The following HMGN5 variants were observed in gnomAD, a reference collection of about 807,000 sequenced individuals.
The protein encoded by HMGN5 is high mobility group nucleosome binding domain 5.
In HMGN5, 4 loss-of-function variants were observed where a neutral mutation model predicts 9.5. The ratio of observed to expected loss-of-function variants is 0.42; its 90% CI spans 0.21 to 0.96. The LOEUF (loss-of-function observed/expected upper bound fraction) is 0.96, where lower values mean the gene tolerates loss of function less well. HMGN5 is among the 40% of genes least tolerant of loss of function. The pLI, the probability that HMGN5 is intolerant of heterozygous loss-of-function variation, is 0.30. For missense variants in HMGN5, 192 were observed against 187.5 expected (o/e 1.02, Z -0.14); for synonymous variants, 55 against 57.1 (o/e 0.96, Z 0.16).
intron 1 of HMGN5, among the ~76,000 whole-genome samples, chrX:81,156,666 C>A (rs1449484229): frequency 8.9e-6 from 1 of 111,791 alleles, no homozygotes; most frequent in Non-Finnish European, 1.9e-5. Context: ...AAGTAAGCTC[C>A]ATAGGGCAAG....
chrX:81,178,239 A>G (rs2075449079), intron 1 of HMGN5, among the ~76,000 whole-genome samples: 1 of 111,755 alleles, frequency 8.9e-6, no homozygotes, highest in Non-Finnish European at 1.9e-5. Flanking sequence ...AGAGATAGAG[A>G]CACAAAAAAC....
intron 1 of HMGN5, among the ~76,000 whole-genome samples, chrX:81,148,877 A>T (rs968417915): frequency 1.2e-4 from 14 of 112,493 alleles, no homozygotes; most frequent in Non-Finnish European, 2.4e-4. Flanking sequence ...ACATGCAAAA[A>T]TGCTTATCAT....
intron 6 of HMGN5, among the ~76,000 whole-genome samples, chrX:81,115,823 T>C (rs2075251644): frequency 8.9e-6 from 1 of 112,091 alleles, no homozygotes; most frequent in African/African-American, 3.2e-5. Context: ...AAAACATTTA[T>C]ATAATGATTT....
chrX:81,121,240 G>A (rs2075267362), intron 2 of HMGN5, among the ~76,000 whole-genome samples: 1 of 109,515 alleles, frequency 9.1e-6, no homozygotes, highest in Non-Finnish European at 1.9e-5. Flanking sequence ...AGGGGGTTGG[G>A]GTAGGAAGCG....
chrX:81,171,899 G>T (rs1329484700), intron 1 of HMGN5, among the ~76,000 whole-genome samples: 2 of 111,188 alleles, frequency 1.8e-5, no homozygotes, highest in Non-Finnish European at 3.8e-5. Flanking sequence ...TGAAATAAGT[G>T]ATAAGTATGT....
intron 1 of HMGN5, among the ~76,000 whole-genome samples, chrX:81,163,286 T>G (rs2075402549): frequency 8.9e-6 from 1 of 112,255 alleles, no homozygotes; most frequent in African/African-American, 3.2e-5. Context: ...CCCTAGACAC[T>G]GTGGAGCACA....
At chrX:81,131,210 G>A (rs1452809147) in intron 1 of HMGN5, among the ~76,000 whole-genome samples, 1 of 111,785 alleles carries the variant, frequency 8.9e-6, no homozygotes, top group Admixed American at 9.5e-5. Context: ...ACCAATGGTA[G>A]TGTATCCACA....
At chrX:81,125,798 A>T (rs1417208086) in intron 1 of HMGN5, among the ~76,000 whole-genome samples, 1 of 111,825 alleles carries the variant, frequency 8.9e-6, no homozygotes, top group African/African-American at 3.3e-5. Context: ...TGGAATACAG[A>T]TGAATAAACA....
intron 1 of HMGN5, among the ~76,000 whole-genome samples, chrX:81,199,267 T>C (rs1348862677): frequency 7.1e-5 from 8 of 111,990 alleles, no homozygotes; most frequent in Non-Finnish European, 1.5e-4. Context: ...TGCTCATGGA[T>C]AGGAAGAATC....
intron 1 of HMGN5, among the ~76,000 whole-genome samples, chrX:81,155,118 C>CAT (rs981089415): frequency 0.16 from 14,089 of 89,874 alleles, 1,225 homozygotes; most frequent in Non-Finnish European, 0.21. Flanking sequence ...CACACATACA[C>CAT]ATATATATAT....
intron 1 of HMGN5, among the ~76,000 whole-genome samples, chrX:81,127,607 G>C (rs1000926971): frequency 3.6e-5 from 4 of 110,642 alleles, no homozygotes; most frequent in African/African-American, 1.3e-4. Flanking sequence ...CATTCACTTA[G>C]AGCCTTACTT....
intron 1 of HMGN5, among the ~76,000 whole-genome samples, chrX:81,144,876 G>A (rs757935913): frequency 1.3e-4 from 14 of 111,597 alleles, no homozygotes; most frequent in South Asian, 3.8e-4. Context: ...TTGCCAAATC[G>A]ATCAAGTGGA....
chrX:81,130,503 C>G (rs1338185707), intron 1 of HMGN5, among the ~76,000 whole-genome samples: 1 of 111,251 alleles, frequency 9.0e-6, no homozygotes, highest in Non-Finnish European at 1.9e-5. Flanking sequence ...ACCTTTATTT[C>G]TTTTCAGTAA....
chrX:81,182,117 C>T (rs73631730), intron 1 of HMGN5, among the ~76,000 whole-genome samples: 198 of 111,395 alleles, frequency 1.8e-3, no homozygotes, highest in African/African-American at 6.0e-3. Context: ...CTGTTATTGC[C>T]GGTCTTTGGA....
In HMGN5 at chrX:81,116,196, G is replaced by A. The variant is rs1287152756; in HGVS notation, c.267+8C>T. On this transcript the variant is annotated splice_region_variant and intron_variant, in intron 6 of 6. Transcript: ENST00000358130. The stretch of plus-strand genomic sequence containing the variant: ...CAAATAGATAAAACTGTTAACATTA[G>A]AAAATACCTCTGTAATTTTGGCTTC... The A allele has an allele frequency of 8.6e-7, 1 of 1,165,323 alleles. No individual in the cohort carries two copies. Among genetic ancestry groups the A allele is most frequent in the African/African-American group, 1.8e-5 (1 of 56,878 alleles).
chrX:81,141,825 A>C (rs1269829880), intron 1 of HMGN5, among the ~76,000 whole-genome samples: 1 of 111,934 alleles, frequency 8.9e-6, no homozygotes, highest in Non-Finnish European at 1.9e-5. Context: ...AACAGCACCC[A>C]GGAAAACATG....
intron 1 of HMGN5, among the ~76,000 whole-genome samples, chrX:81,169,373 C>G (rs1018409220): frequency 9.0e-6 from 1 of 111,302 alleles, no homozygotes; most frequent in Non-Finnish European, 1.9e-5. Context: ...TTTTTTTATA[C>G]ATGGAAGAGT....
At chrX:81,167,518 A>G (rs942415123) in intron 1 of HMGN5, among the ~76,000 whole-genome samples, 5 of 111,653 alleles carry the variant, frequency 4.5e-5, no homozygotes. Flanking sequence ...TCACAAAATA[A>G]TTACTTTTCT....
chrX:81,119,586 T>C (rs888329135), intron 3 of HMGN5, among the ~76,000 whole-genome samples: 2 of 112,221 alleles, frequency 1.8e-5, no homozygotes, highest in Non-Finnish European at 3.8e-5. Flanking sequence ...TGAAAAAGCC[T>C]TTTCTTTTAT....
Sources: allele counts gnomAD v4.1 joint callset (sites outside exome capture counted in the v4.1 genomes callset), GRCh38; gene constraint gnomAD v4.1.1; transcripts MANE v1.5; gene names NCBI Gene and HGNC (gene_info 2026-07-23, HGNC 2026-07-21).